Variants in ENOX2 observed in about 807,000 individuals in gnomAD.
ENOX2 encodes ecto-NOX disulfide-thiol exchanger 2.
ENOX2 carries 36 observed loss-of-function variants against 45.0 expected under a neutral mutation model. The observed-to-expected ratio is 0.80, with a 90% CI of 0.61 to 1.06. The LOEUF (loss-of-function observed/expected upper bound fraction) is 1.06. ENOX2 is among the 50% of genes least tolerant of loss of function. The pLI, the probability that ENOX2 is intolerant of heterozygous loss-of-function variation, is 0.00. For synonymous variants in ENOX2, 174 were observed against 152.3 expected, an observed-to-expected ratio of 1.14 and a Z score of -1.05; for missense variants, 423 against 462.5, an observed-to-expected ratio of 0.91 and a Z score of 0.78.
At chrX:130,876,007 C>T (rs985992977) in intron 2 of ENOX2, among the ~76,000 whole-genome samples, 2 of 111,460 alleles carry the variant, frequency 1.8e-5, no homozygotes, top group African/African-American at 6.5e-5. Flanking sequence ...CTGGTAGGAC[C>T]GTAAAATTGT....
At chrX:130,816,500 C>G (rs1179534611) in intron 2 of ENOX2, among the ~76,000 whole-genome samples, 1 of 111,650 alleles carries the variant, frequency 9.0e-6, no homozygotes, top group Non-Finnish European at 1.9e-5. Flanking sequence ...TATTCTAAAA[C>G]TGACCACATA....
At chrX:130,837,719 T>C (rs773936261) in intron 2 of ENOX2, among the ~76,000 whole-genome samples, 63 of 111,631 alleles carry the variant, frequency 5.6e-4, no homozygotes, top group Non-Finnish European at 1.1e-3. Context: ...AATCTCTGTG[T>C]TTCAGTTTCT....
intron 6 of ENOX2, among the ~76,000 whole-genome samples, chrX:130,677,428 G>T (rs905323504): frequency 2.7e-5 from 3 of 112,233 alleles, no homozygotes; most frequent in African/African-American, 9.7e-5. Context: ...ACAGAAAAAA[G>T]ATGTTCAATA....
chrX:130,734,136 G>A (rs976212187), intron 3 of ENOX2, among the ~76,000 whole-genome samples: 5 of 112,062 alleles, frequency 4.5e-5, no homozygotes, highest in African/African-American at 1.6e-4. Flanking sequence ...TCTGGTGCAG[G>A]AAAGCAAGGC....
rs187395974 is a variant in ENOX2 at position 130,691,506 on chromosome X, T to A, written c.98-2488A>T. Among the ~76,000 whole-genome samples, 35 of 112,439 alleles carry A rather than the reference T, an allele frequency of 3.1e-4. No individual in the cohort carries two copies. The East Asian group carries it at 6.4e-3, about 21-fold the overall frequency. On this transcript the variant is annotated intron_variant, in intron 4 of 14. Coordinates refer to ENST00000394363, the MANE Select transcript of ENOX2 (RefSeq NM_006375.4). ...CTTCCGATACCCTGTCTTCCTATGC[T>A]GTAAAATAAGAGCACTATGGTTAAG...
Position 130,703,255 on chromosome X carries a change from C to T in ENOX2, c.-38-1G>A, listed in dbSNP as rs1462178236. 1 of 1,180,917 alleles carries T rather than the reference C, an allele frequency of 8.5e-7. No homozygotes were observed. The highest frequency in any genetic ancestry group is 1.8e-5 in the African/African-American group (1 of 56,126). ...ACGTTCAGAGTTCTACTGTTATCGGCTGAAAAGAAATGACAAGCAAAATAA... is the reference window on the plus strand; with the variant it reads ...ACGTTCAGAGTTCTACTGTTATCGGTTGAAAAGAAATGACAAGCAAAATAA... On this transcript the variant is annotated splice_acceptor_variant, in intron 3 of 14. Transcript: ENST00000394363. LOFTEE classifies it low-confidence loss of function (5UTR_SPLICE).
At chrX:130,820,299 G>GA (rs1381073829) in intron 2 of ENOX2, among the ~76,000 whole-genome samples, 2 of 112,372 alleles carry the variant, frequency 1.8e-5, no homozygotes, top group Non-Finnish European at 3.8e-5. Context: ...TTATCAAAAA[G>GA]ATGAAAGATA....
At chrX:130,653,107 C>G in intron 10 of ENOX2, among the ~76,000 whole-genome samples, 1 of 111,747 alleles carries the variant, frequency 8.9e-6, no homozygotes, top group Non-Finnish European at 1.9e-5. Context: ...TCATCTGTAT[C>G]CAATCTGGCA....
Position 130,819,548 on chromosome X carries a change from A to G in ENOX2, c.-182-35858T>C, listed in dbSNP as rs768353794. Among the ~76,000 whole-genome samples the G allele has an allele frequency of 3.1e-3, 345 of 112,405 alleles. 1 individual carries two copies. Among genetic ancestry groups the G allele is most frequent in the Non-Finnish European group, 4.5e-3 (241 of 53,287 alleles). On this transcript the variant is annotated intron_variant, in intron 2 of 14. Coordinates refer to ENST00000394363, the MANE Select transcript of ENOX2 (RefSeq NM_006375.4). ...ATCATGGAATACTATGCAGCCATAA[A>G]AAAGGATGAGTTCATGTCTTTTGCA...
intron 3 of ENOX2, among the ~76,000 whole-genome samples, chrX:130,754,961 T>C (rs2039319043): frequency 8.9e-6 from 1 of 112,102 alleles, no homozygotes; most frequent in African/African-American, 3.2e-5. Context: ...TAAGTAAGCT[T>C]CCAGAACTCA....
rs1415256518 is a variant in ENOX2 at position 130,703,113 on chromosome X, A to G, written c.97+7T>C. ...AAGCACTTGCGAGGTGATTAAAAAT[A>G]ACATACCAGGTAAAATTGGTTGTCC... On this transcript the variant is annotated splice_region_variant and intron_variant, in intron 4 of 14. Coordinates refer to ENST00000394363, the MANE Select transcript of ENOX2 (RefSeq NM_006375.4). 51 of 1,204,649 alleles carry G rather than the reference A, an allele frequency of 4.2e-5. No individual in the cohort carries two copies. Among genetic ancestry groups the G allele is most frequent in the Non-Finnish European group, 5.7e-5 (51 of 892,181 alleles).
chrX:130,902,192 T>C (rs1171581660), intron 1 of ENOX2, among the ~76,000 whole-genome samples: 2 of 111,442 alleles, frequency 1.8e-5, no homozygotes, highest in African/African-American at 3.3e-5. Context: ...AATAATACAA[T>C]GATTAATATG....
chrX:130,823,566 T>C (rs1220607131), intron 2 of ENOX2, among the ~76,000 whole-genome samples: 2 of 111,869 alleles, frequency 1.8e-5, no homozygotes, highest in Non-Finnish European at 3.8e-5. Context: ...ATGTATGCAT[T>C]TGACCAAGAG....
chrX:130,669,903 T>C (rs2036932546), intron 7 of ENOX2, 62 bp downstream of exon 7: 2 of 821,855 alleles, frequency 2.4e-6, no homozygotes, highest in Admixed American at 2.3e-5. Flanking sequence ...TGCAATTATA[T>C]TTATGACACT....
At position 130,863,779 on chromosome X, in the gene ENOX2, T is replaced by C. The variant is rs185670842; in HGVS notation, c.-183+37905A>G. On this transcript the variant is annotated intron_variant, in intron 2 of 14. Transcript: ENST00000394363. ...ATATGAACTATGAGGTAATCTATAA[T>C]ACCTGTTTTTAAAATTCAATTTCTT... Among the ~76,000 whole-genome samples, 10 of 112,373 alleles carry C rather than the reference T, an allele frequency of 8.9e-5. No homozygotes were observed. In the East Asian group the frequency reaches 2.5e-3, roughly 28 times the overall value.
At chrX:130,804,263 T>C (rs1760586466) in intron 2 of ENOX2, among the ~76,000 whole-genome samples, 1 of 112,096 alleles carries the variant, frequency 8.9e-6, no homozygotes, top group African/African-American at 3.2e-5. Flanking sequence ...CTTAGACCCA[T>C]CATTCTATAC....
intron 3 of ENOX2, among the ~76,000 whole-genome samples, chrX:130,748,831 T>C (rs965037903): frequency 9.0e-6 from 1 of 111,724 alleles, no homozygotes; most frequent in African/African-American, 3.3e-5. Flanking sequence ...TATTCACCTC[T>C]CTATGATGGT....
intron 3 of ENOX2, among the ~76,000 whole-genome samples, chrX:130,754,468 A>C (rs1018707020): frequency 8.9e-6 from 1 of 111,931 alleles, no homozygotes; most frequent in Non-Finnish European, 1.9e-5. Context: ...TGTGCTCAGC[A>C]AAGACATAGA....
chrX:130,737,336 T>C (rs1419197029), intron 3 of ENOX2, among the ~76,000 whole-genome samples: 1 of 112,538 alleles, frequency 8.9e-6, no homozygotes, highest in Non-Finnish European at 1.9e-5. Flanking sequence ...TGTCTTTGCC[T>C]TAAGTTACAA....
Sources: gnomAD v4.1 joint callset for allele counts (sites outside exome capture counted in the v4.1 genomes callset) on GRCh38, gnomAD v4.1.1 for gene constraint, MANE v1.5 for transcripts, NCBI Gene and HGNC (gene_info 2026-07-23, HGNC 2026-07-21) for gene names.